The following PTBP2 variants were observed in gnomAD, a reference collection of about 807,000 sequenced individuals.
The protein encoded by PTBP2 is polypyrimidine tract binding protein 2.
PTBP2 carries 13 observed loss-of-function variants against 61.4 expected under a neutral mutation model. The ratio of observed to expected loss-of-function variants is 0.21; its 90% CI spans 0.14 to 0.34. PTBP2 has a LOEUF of 0.34. Among genes scored for constraint, PTBP2 ranks in the 10% least tolerant of loss-of-function variants. The pLI is 1.00. For missense variants in PTBP2, 405 were observed against 642.6 expected (o/e 0.63, Z 4.00); for synonymous variants, 215 against 218.5 (o/e 0.98, Z 0.14).
At chr1:96,809,105 C>G (rs949391595) in intron 11 of PTBP2, among the ~76,000 whole-genome samples, 2 of 151,974 alleles carry the variant, frequency 1.3e-5, no homozygotes, top group Non-Finnish European at 2.9e-5. Flanking sequence ...ATATGTGTGC[C>G]TAGTGAAATA....
At chr1:96,728,594 T>C (rs1253715362) in intron 2 of PTBP2, among the ~76,000 whole-genome samples, 1 of 152,228 alleles carries the variant, frequency 6.6e-6, no homozygotes, top group East Asian at 1.9e-4. Context: ...TAGCTTTATA[T>C]TGAGTCTTGA....
chr1:96,798,008 G>A (rs1660565310), intron 8 of PTBP2, among the ~76,000 whole-genome samples: 1 of 151,532 alleles, frequency 6.6e-6, no homozygotes, highest in South Asian at 2.1e-4. Context: ...CCCGGGAGGT[G>A]GAGCTTGCAG....
In PTBP2 at chr1:96,813,661, CT is replaced by C. The variant is rs66475516; in HGVS notation, c.*277del. 1,312 of 122,114 alleles carry C rather than the reference CT, an allele frequency of 0.011. 3 individuals carry two copies. The highest frequency in any genetic ancestry group is 0.021 in the African/African-American group (513 of 24,990). 7.6% of individuals were successfully genotyped at this position (122,114 alleles called of 1,614,324 possible). A position where few individuals can be genotyped will look rare whatever the true frequency, so the allele number is the denominator to read the frequency against. ...TGTTTAAAATTTCAGTTTAATTTTGCTTTTTTTTTTTTTTTTTTTTTCCTTT... is the reference window on the plus strand; with the variant it reads ...TGTTTAAAATTTCAGTTTAATTTTGCTTTTTTTTTTTTTTTTTTTTCCTTT... On this transcript the variant is annotated 3_prime_UTR_variant, in exon 14 of 14. Coordinates refer to ENST00000674951, the MANE Select transcript of PTBP2 (RefSeq NM_021190.4).
At chr1:96,752,842 G>A (rs141054280) in intron 3 of PTBP2, among the ~76,000 whole-genome samples, 3 of 152,162 alleles carry the variant, frequency 2.0e-5, no homozygotes, top group Non-Finnish European at 2.9e-5. Flanking sequence ...TTGTTTGGAA[G>A]TGATGAGCAG....
At chr1:96,729,410 C>CT (rs1651059870) in intron 2 of PTBP2, among the ~76,000 whole-genome samples, 1 of 151,974 alleles carries the variant, frequency 6.6e-6, no homozygotes, top group South Asian at 2.1e-4. Context: ...CATTTTTTGT[C>CT]TCCTTTTTTT....
At chr1:96,806,541 G>A (rs1021274530) in intron 10 of PTBP2, 89 bp downstream of exon 10, 2 of 1,374,272 alleles carry the variant, frequency 1.5e-6, no homozygotes, top group Non-Finnish European at 1.0e-6. Context: ...TTGGCTTAAA[G>A]TTGAATAGTA....
chr1:96,729,711 A>G (rs1255848796), intron 2 of PTBP2, among the ~76,000 whole-genome samples: 2 of 149,438 alleles, frequency 1.3e-5, no homozygotes, highest in Admixed American at 1.3e-4. Flanking sequence ...GTATTTGTGT[A>G]GAGTTGTTCA....
intron 1 of PTBP2, among the ~76,000 whole-genome samples, chr1:96,722,785 A>T (rs2100763042): frequency 6.6e-6 from 1 of 152,286 alleles, no homozygotes; most frequent in African/African-American, 2.4e-5. Flanking sequence ...GTCAAGACGG[A>T]ATGCTGAGTG....
At position 96,785,196 on chromosome 1, in the gene PTBP2, A is replaced by G. The variant is rs1482718967; in HGVS notation, c.846A>G (p.Gly282=). 1 of 1,611,082 alleles carries G rather than the reference A, an allele frequency of 6.2e-7. No individual in the cohort carries two copies. Among genetic ancestry groups the G allele is most frequent in the Admixed American group, 1.7e-5 (1 of 59,472 alleles). ...GACCTGATCTTCCATCTGGGGATGG[A>G]CAACCTGCATTGGACCCAGCTATTG... ...YTRPDLPSGD[G]QPALDPAIAA... Residue 282 remains glycine, a synonymous_variant, in exon 8 of 14, where the codon GGA becomes GGG. Coordinates refer to ENST00000674951, the MANE Select transcript of PTBP2 (RefSeq NM_021190.4).
intron 7 of PTBP2, among the ~76,000 whole-genome samples, chr1:96,779,569 A>G (rs1403979497): frequency 6.6e-6 from 1 of 152,088 alleles, no homozygotes; most frequent in African/African-American, 2.4e-5. Flanking sequence ...CTGTGAACAG[A>G]TACTAAGCAT....
intron 8 of PTBP2, among the ~76,000 whole-genome samples, chr1:96,803,744 A>G (rs1386536500): frequency 1.3e-5 from 2 of 152,196 alleles, no homozygotes; most frequent in African/African-American, 4.8e-5. Flanking sequence ...GAAAGCTGGA[A>G]AGAAAGAAGA....
At chr1:96,792,114 G>C (rs2101108034) in intron 8 of PTBP2, among the ~76,000 whole-genome samples, 1 of 152,126 alleles carries the variant, frequency 6.6e-6, no homozygotes, top group Admixed American at 6.5e-5. Flanking sequence ...TGGGATTACG[G>C]GCGTGAGCCA....
intron 3 of PTBP2, among the ~76,000 whole-genome samples, chr1:96,753,005 G>GT (rs1416170895): frequency 6.6e-6 from 1 of 152,168 alleles, no homozygotes; most frequent in Non-Finnish European, 1.5e-5. Context: ...GAGACCAAGA[G>GT]TGGGTGTCAG....
chr1:96,777,441 T>G lies in PTBP2; in HGVS notation c.433-144T>G, dbSNP rs1000933132. 1.8e-4 allele frequency: 96 copies of G among 536,300 alleles called. 2 individuals are homozygous for G. The highest frequency in any genetic ancestry group is 6.7e-5 in the East Asian group (2 of 29,888). The allele number at this position is 536,300 out of a possible 1,614,324, so 33.2% of individuals were successfully genotyped here. On this transcript the variant is annotated intron_variant, in intron 5 of 13. Coordinates refer to ENST00000674951, the MANE Select transcript of PTBP2 (RefSeq NM_021190.4). ...CAGGTAGTACCTGGCTCATGGCAGG[T>G]GCTTAAAAATATCTGTTGAGGGGCC...
intron 8 of PTBP2, among the ~76,000 whole-genome samples, chr1:96,793,490 C>T (rs980307040): frequency 2.0e-5 from 3 of 152,138 alleles, no homozygotes; most frequent in African/African-American, 4.8e-5. Context: ...CCGCCTCAGC[C>T]TCCTGAGTAG....
chr1:96,808,899 A>G (rs1661764497), intron 11 of PTBP2, among the ~76,000 whole-genome samples: 2 of 152,230 alleles, frequency 1.3e-5, no homozygotes, highest in Admixed American at 1.3e-4. Flanking sequence ...CAAACTTGGT[A>G]TTTAAAAAGT....
intron 2 of PTBP2, among the ~76,000 whole-genome samples, chr1:96,733,991 A>G (rs74104480): frequency 5.1e-4 from 77 of 152,236 alleles, no homozygotes; most frequent in African/African-American, 1.7e-3. Context: ...GTGTTCCTAA[A>G]CTGTAGTAGC....
chr1:96,745,205 C>A (rs909548226), intron 2 of PTBP2, among the ~76,000 whole-genome samples: 2 of 151,750 alleles, frequency 1.3e-5, no homozygotes. Flanking sequence ...CTCTGATACC[C>A]ACGCTGGAGT....
At chr1:96,741,665 T>TC (rs1180567345) in intron 2 of PTBP2, among the ~76,000 whole-genome samples, 2 of 152,216 alleles carry the variant, frequency 1.3e-5, no homozygotes, top group African/African-American at 4.8e-5. Flanking sequence ...TTTATGTTTT[T>TC]CTTTTAAAAA....
Sources: gnomAD v4.1 joint callset for allele counts (sites outside exome capture counted in the v4.1 genomes callset) on GRCh38, gnomAD v4.1.1 for gene constraint, MANE v1.5 for transcripts, NCBI Gene and HGNC (gene_info 2026-07-23, HGNC 2026-07-21) for gene names.